The following HMCN1 variants were observed in gnomAD, a reference collection of about 807,000 sequenced individuals.
HMCN1 encodes the protein hemicentin 1.
Under a neutral mutation model 625.9 loss-of-function variants are expected in HMCN1, and 321 were observed. The observed-to-expected ratio is 0.51, with a 90% CI of 0.47 to 0.56. The LOEUF (loss-of-function observed/expected upper bound fraction) is 0.56, where lower values mean the gene tolerates loss of function less well. HMCN1 is among the 20% of genes least tolerant of loss of function. The pLI, the probability that HMCN1 is intolerant of heterozygous loss-of-function variation, is 0.00. For synonymous variants in HMCN1, 2,425 were observed against 2,417.6 expected (o/e 1.00, Z -0.09); for missense variants, 6,588 against 6,887.3 (o/e 0.96, Z 1.54).
chr1:186,063,066 G>GTGTGTATATA (rs1491400415), intron 48 of HMCN1, among the ~76,000 whole-genome samples: 6 of 29,928 alleles, frequency 2.0e-4, no homozygotes, highest in African/African-American at 3.6e-4. Context: ...GTGTGTGTGT[G>GTGTGTATATA]CATATATATA....
At chr1:185,802,726 G>A (rs2102227550) in intron 1 of HMCN1, among the ~76,000 whole-genome samples, 1 of 152,248 alleles carries the variant, frequency 6.6e-6, no homozygotes, top group East Asian at 1.9e-4. Context: ...CTTGACTCAG[G>A]ATTGTTTTGG....
chr1:186,073,729 A>G (rs901822864), intron 52 of HMCN1, among the ~76,000 whole-genome samples: 1 of 152,016 alleles, frequency 6.6e-6, no homozygotes, highest in Admixed American at 6.6e-5. Context: ...AGAAGTCAGG[A>G]GGAGACTGAG....
chr1:186,012,594 C>A (rs999927082), intron 30 of HMCN1, among the ~76,000 whole-genome samples: 4 of 152,056 alleles, frequency 2.6e-5, no homozygotes, highest in Non-Finnish European at 5.9e-5. Context: ...GGCTAAGAAT[C>A]CTTAACACAT....
intron 1 of HMCN1, among the ~76,000 whole-genome samples, chr1:185,795,848 A>C (rs1658335724): frequency 1.3e-5 from 2 of 152,196 alleles, no homozygotes. Flanking sequence ...CTTATGTCAC[A>C]AGGTCTAGCA....
chr1:185,751,591 C>T (rs1654819806), intron 1 of HMCN1, among the ~76,000 whole-genome samples: 1 of 152,074 alleles, frequency 6.6e-6, no homozygotes, highest in Non-Finnish European at 1.5e-5. Context: ...ATTTCCTCTC[C>T]TTACTGTCTG....
chr1:185,740,227 A>G (rs559011985), intron 1 of HMCN1, among the ~76,000 whole-genome samples: 2 of 152,298 alleles, frequency 1.3e-5, no homozygotes, highest in South Asian at 4.1e-4. Context: ...ATGCATCTAC[A>G]TAATCATTCT....
chr1:185,776,954 G>C (rs1656655958), intron 1 of HMCN1, among the ~76,000 whole-genome samples: 1 of 152,156 alleles, frequency 6.6e-6, no homozygotes, highest in Admixed American at 6.5e-5. Context: ...AGTATGGTTT[G>C]CTCATAGCCA....
Position 185,975,650 on chromosome 1 carries a change from T to A in HMCN1, c.2372-2137T>A, listed in dbSNP as rs184595036. Among the ~76,000 whole-genome samples, 117 of 152,136 alleles carry A rather than the reference T, an allele frequency of 7.7e-4. 1 individual carries two copies. The highest frequency in any genetic ancestry group is 5.8e-4 in the East Asian group (3 of 5,192). ...AGCTATTCTATTAACTATGTTTAAA[T>A]ATGTTTAAAATATGTTTATTTTGCC... On this transcript the variant is annotated intron_variant, in intron 15 of 106. Transcript: ENST00000271588.
intron 15 of HMCN1, 122 bp from the exon 16 acceptor site, chr1:185,977,665 T>C (rs941221986): frequency 4.1e-6 from 3 of 739,218 alleles, no homozygotes; most frequent in African/African-American, 1.8e-5. Flanking sequence ...ACAGGGTAAA[T>C]TTACAATATA....
At chr1:185,830,552 TG>T (rs1291963130) in intron 1 of HMCN1, among the ~76,000 whole-genome samples, 5 of 152,110 alleles carry the variant, frequency 3.3e-5, no homozygotes, top group Admixed American at 3.3e-4. Context: ...GAAGAGCAGA[TG>T]GTTGTAGATG....
chr1:186,050,256 T>C (rs1258827830), intron 42 of HMCN1, among the ~76,000 whole-genome samples: 2 of 151,888 alleles, frequency 1.3e-5, no homozygotes, highest in African/African-American at 4.8e-5. Context: ...ATATTTGAGG[T>C]ACCTGTGGAC....
chr1:185,998,720 A>G (rs1028215896), intron 25 of HMCN1, among the ~76,000 whole-genome samples: 3 of 152,146 alleles, frequency 2.0e-5, no homozygotes, highest in African/African-American at 4.8e-5. Flanking sequence ...GAATTCATTT[A>G]AAGTTACTAG....
chr1:185,916,288 G>A (rs954120122), intron 6 of HMCN1, among the ~76,000 whole-genome samples: 3 of 152,092 alleles, frequency 2.0e-5, no homozygotes, highest in African/African-American at 2.4e-5. Context: ...AAACTTAAGA[G>A]CAAATACTTT....
At chr1:185,954,209 G>A (rs1284787391) in intron 11 of HMCN1, among the ~76,000 whole-genome samples, 1 of 152,062 alleles carries the variant, frequency 6.6e-6, no homozygotes, top group East Asian at 1.9e-4. Context: ...GGGCTCAGAG[G>A]CCTGACAACC....
At chr1:185,987,262 T>C (rs1249506867) in intron 19 of HMCN1, among the ~76,000 whole-genome samples, 170 bp from the exon 20 acceptor site, 5 of 152,250 alleles carry the variant, frequency 3.3e-5, no homozygotes, top group African/African-American at 7.2e-5. Flanking sequence ...TTTATTGTCT[T>C]TGTTTAGCAC....
chr1:186,153,949 A>T lies in HMCN1; in HGVS notation c.15218A>T (p.Glu5073Val). The T allele has an allele frequency of 6.2e-7, 1 of 1,614,086 alleles. No homozygotes were observed. Among genetic ancestry groups the T allele is most frequent in the Non-Finnish European group, 8.5e-7 (1 of 1,179,924 alleles). The part of the protein sequence containing the change: ...SVESDYNQIE[E>V]TLGFKIHASI... ...GAATCTGACTATAACCAGATAGAAG[A>T]GACACTGGGTTTTAAAATTCATGCT... The change falls in exon 97 of 107, where the codon GAG becomes GTG. Residue 5073 changes from glutamate to valine, a missense_variant. Glu to Val is a moderately radical substitution (Grantham distance 121, BLOSUM62 -2). This residue lies in a region of HMCN1 where 1,954 missense variants were observed against 2,013.1 expected (regional missense o/e 0.97). Coordinates refer to ENST00000271588, the MANE Select transcript of HMCN1 (RefSeq NM_031935.3).
At chr1:186,082,339 G>A (rs80289600) in intron 56 of HMCN1, among the ~76,000 whole-genome samples, 1,870 of 152,242 alleles carry the variant, frequency 0.012, 21 homozygotes, top group Non-Finnish European at 0.019. Context: ...GGCTGGGATC[G>A]CACACATATC....
chr1:185,885,053 T>C (rs1558038720), intron 4 of HMCN1, among the ~76,000 whole-genome samples: 1 of 151,716 alleles, frequency 6.6e-6, no homozygotes, highest in East Asian at 1.9e-4. Flanking sequence ...GAAAGGTTTA[T>C]AATGCCATCC....
chr1:186,159,553 G>A (rs1651288200), intron 97 of HMCN1, among the ~76,000 whole-genome samples: 1 of 152,082 alleles, frequency 6.6e-6, no homozygotes, highest in Non-Finnish European at 1.5e-5. Flanking sequence ...ATTGGCTGTG[G>A]GTTTGTCATA....
Sources: allele counts gnomAD v4.1 joint callset (sites outside exome capture counted in the v4.1 genomes callset), GRCh38; gene constraint gnomAD v4.1.1; regional missense constraint gnomAD v4.1.1; transcripts MANE v1.5; gene names NCBI Gene and HGNC (gene_info 2026-07-23, HGNC 2026-07-21).